FRMD5: variants seen among roughly 807,000 people sequenced by gnomAD.
FRMD5 encodes the protein FERM domain containing 5.
In FRMD5, 20 loss-of-function variants were observed where a neutral mutation model predicts 69.0. That is an observed-to-expected ratio of 0.29 (90% CI 0.20 to 0.42). FRMD5 has a LOEUF of 0.42. FRMD5 is among the 10% of genes least tolerant of loss of function. FRMD5 has a pLI of 1.00. For synonymous variants in FRMD5, 271 were observed against 260.1 expected (o/e 1.04, Z -0.40); for missense variants, 595 against 708.6 (o/e 0.84, Z 1.82).
chr15:43,919,152 A>G (rs1469763498), intron 4 of FRMD5: 2 of 476,840 alleles, frequency 4.2e-6, no homozygotes, highest in East Asian at 5.3e-5. Context: ...AAATGTCCAC[A>G]GTGGCAACAT....
Position 43,874,438 on chromosome 15 carries a change from G to T in FRMD5, c.1160C>A (p.Ala387Asp). The T allele has an allele frequency of 6.2e-7, 1 of 1,614,168 alleles. No homozygotes were observed. The highest frequency in any genetic ancestry group is 1.1e-5 in the South Asian group (1 of 91,086). The stretch of plus-strand genomic sequence containing the variant: ...AGTGGAACGCACTGGTGTGGAATGG[G>T]CACTGTCCCGTAAGGACTCTAGGCC... ...MEGLESLRDSAHSTPVRSTSH... is the reference protein window; with the variant it reads ...MEGLESLRDSDHSTPVRSTSH... The change falls in exon 14 of 14, where the codon GCC becomes GAC. Residue 387 changes from alanine (A) to aspartate (D), a missense_variant. By Grantham distance (126) the Ala-to-Asp change is moderately radical. Coordinates refer to ENST00000417257, the MANE Select transcript of FRMD5 (RefSeq NM_032892.5).
At chr15:44,128,048 A>T (rs2077047284) in intron 1 of FRMD5, among the ~76,000 whole-genome samples, 1 of 152,218 alleles carries the variant, frequency 6.6e-6, no homozygotes, top group African/African-American at 2.4e-5. Context: ...AGAGGAAGGT[A>T]AAATTTCGCC....
intron 6 of FRMD5, among the ~76,000 whole-genome samples, chr15:43,904,809 G>A (rs757722095): frequency 1.3e-5 from 2 of 152,154 alleles, no homozygotes; most frequent in Admixed American, 6.5e-5. Context: ...TACTTCATGT[G>A]GGTGAAAAGC....
chr15:43,990,349 C>A (rs1889615817), intron 1 of FRMD5, among the ~76,000 whole-genome samples: 1 of 152,134 alleles, frequency 6.6e-6, no homozygotes, highest in Admixed American at 6.5e-5. Flanking sequence ...TTGCAATAGT[C>A]TGGAATCAAA....
intron 4 of FRMD5, among the ~76,000 whole-genome samples, chr15:43,911,972 A>G (rs1188344660): frequency 1.3e-5 from 2 of 152,150 alleles, no homozygotes; most frequent in African/African-American, 4.8e-5. Context: ...GGGAGCAACC[A>G]AGCCATCTTC....
At chr15:43,892,822 C>T (rs563114406) in intron 7 of FRMD5, among the ~76,000 whole-genome samples, 3 of 152,314 alleles carry the variant, frequency 2.0e-5, no homozygotes, top group South Asian at 4.1e-4. Context: ...GGGCACATAT[C>T]GCCAGGAGCA....
intron 4 of FRMD5, among the ~76,000 whole-genome samples, chr15:43,916,037 A>C (rs2089380823): frequency 6.6e-6 from 1 of 152,202 alleles, no homozygotes; most frequent in South Asian, 2.1e-4. Flanking sequence ...AAGACTGCAA[A>C]GCAGGCCCAG....
rs144143281 is a variant in FRMD5, at chr15:43,994,794, G to A, written c.103-70485C>T. ...TAAAGATATAAGTAACTTACACACC[G>A]CCATTACAATATTATTCTGAATTTG... On this transcript the variant is annotated intron_variant, in intron 1 of 13. Transcript: ENST00000417257. Among the ~76,000 whole-genome samples the A allele has an allele frequency of 1.8e-4, 27 of 152,252 alleles. No homozygotes were observed. In the East Asian group the frequency reaches 3.7e-3, roughly 21 times the overall value.
At chr15:44,048,967 G>A (rs1892545332) in intron 1 of FRMD5, among the ~76,000 whole-genome samples, 1 of 152,168 alleles carries the variant, frequency 6.6e-6, no homozygotes, top group Non-Finnish European at 1.5e-5. Context: ...TTGGCGGAAA[G>A]GCAGCATGCA....
rs1014749230 is a variant in FRMD5 at position 43,873,732 on chromosome 15, T to G, written c.*153A>C. ...GCATGAGCCTATCCCTTTCTTCTTC[T>G]GGGAAACACCCTCCTAGGCTGCAGT... On this transcript the variant is annotated 3_prime_UTR_variant, in exon 14 of 14. Transcript: ENST00000417257. 1 of 1,518,794 alleles carries G rather than the reference T, an allele frequency of 6.6e-7. No homozygotes were observed. Among genetic ancestry groups the G allele is most frequent in the Non-Finnish European group, 8.8e-7 (1 of 1,142,256 alleles). The allele number at this position is 1,518,794 out of a possible 1,614,324, so 94.1% of individuals were successfully genotyped here.
chr15:43,876,278 G>C (rs2088354468), intron 13 of FRMD5: 1 of 1,367,192 alleles, frequency 7.3e-7, no homozygotes, highest in Admixed American at 2.0e-5. Context: ...TGAACTCTGG[G>C]CCTGGTTTTT....
intron 1 of FRMD5, among the ~76,000 whole-genome samples, chr15:43,990,456 T>C (rs1227336746): frequency 6.6e-6 from 1 of 152,228 alleles, no homozygotes; most frequent in Non-Finnish European, 1.5e-5. Flanking sequence ...TTTTACTATG[T>C]TTTTTCATTT....
At position 43,885,740 on chromosome 15, in the gene FRMD5, G is replaced by A. The variant is rs1419542337; in HGVS notation, c.900C>T (p.Ser300=). The A allele has an allele frequency of 6.2e-7, 1 of 1,614,104 alleles. No homozygotes were observed. Among genetic ancestry groups the A allele is most frequent in the South Asian group, 1.1e-5 (1 of 91,080 alleles). The part of the protein sequence containing the change: ...NQAFYKLEKS[S]QVRTVSSSNL... ...TGCTGCTGGACACTGTGCGGACTTG[G>A]CTTGACTTCTCCAGCCTGTAGCAAG... The change falls in exon 11 of 14, where the codon AGC becomes AGT. Residue 300 remains serine (S), a synonymous_variant. Transcript: ENST00000417257.
At chr15:44,057,200 C>A (rs1892906587) in intron 1 of FRMD5, among the ~76,000 whole-genome samples, 1 of 151,796 alleles carries the variant, frequency 6.6e-6, no homozygotes, top group Non-Finnish European at 1.5e-5. Flanking sequence ...TCTCGGCTCA[C>A]TGCCACCTCT....
chr15:44,157,184 T>C (rs563578377), intron 1 of FRMD5, among the ~76,000 whole-genome samples: 1 of 152,358 alleles, frequency 6.6e-6, no homozygotes, highest in East Asian at 1.9e-4. Context: ...CCTTCAGATA[T>C]GTTTAATTCC....
At chr15:44,165,631 T>C (rs2140512417) in intron 1 of FRMD5, among the ~76,000 whole-genome samples, 1 of 151,860 alleles carries the variant, frequency 6.6e-6, no homozygotes, top group East Asian at 1.9e-4. Context: ...AGCTCAGGAG[T>C]TTGAAACCAG....
intron 1 of FRMD5, among the ~76,000 whole-genome samples, chr15:44,025,431 C>T (rs960642520): frequency 4.6e-5 from 7 of 151,964 alleles, no homozygotes; most frequent in Non-Finnish European, 8.8e-5. Flanking sequence ...TACACACACA[C>T]ATATATATAC....
At chr15:43,924,119 C>T in intron 2 of FRMD5, 86 bp downstream of exon 2, 2 of 1,062,886 alleles carry the variant, frequency 1.9e-6, no homozygotes, top group South Asian at 2.6e-5. Context: ...ATTCCTGAAG[C>T]TTGACTTTGA....
At chr15:44,017,572 T>G (rs549088208) in intron 1 of FRMD5, among the ~76,000 whole-genome samples, 49 of 152,090 alleles carry the variant, frequency 3.2e-4, no homozygotes, top group South Asian at 2.7e-3. Flanking sequence ...GAGCTGATTT[T>G]GGGCAAGTCA....
Sources: gnomAD v4.1 joint callset for allele counts (sites outside exome capture counted in the v4.1 genomes callset) on GRCh38, gnomAD v4.1.1 for gene constraint, MANE v1.5 for transcripts, NCBI Gene and HGNC (gene_info 2026-07-23, HGNC 2026-07-21) for gene names.